Variants in CUX1 observed in about 807,000 individuals in gnomAD.
CUX1 encodes cut like homeobox 1.
CUX1 carries 31 observed loss-of-function variants against 158.8 expected under a neutral mutation model. The observed-to-expected ratio is 0.20, with a 90% CI of 0.15 to 0.26. The LOEUF is 0.26. Among genes scored for constraint, CUX1 ranks in the 10% least tolerant of loss-of-function variants. The pLI is 1.00. For synonymous variants in CUX1, 879 were observed against 862.1 expected (o/e 1.02, Z -0.34); for missense variants, 1,589 against 2,014.6 (o/e 0.79, Z 4.04).
chr7:102,211,501 C>G (rs1357009652), intron 20 of CUX1, among the ~76,000 whole-genome samples: 4 of 151,766 alleles, frequency 2.6e-5, no homozygotes, highest in African/African-American at 9.7e-5. Flanking sequence ...AGCTTTTCGG[C>G]TGGGCGCAGT....
At position 102,248,721 on chromosome 7, in the gene CUX1, G is replaced by A. The variant is rs1417211922; in HGVS notation, c.4197G>A (p.Pro1399=). 8.6e-6 allele frequency: 10 copies of A among 1,167,468 alleles called. No homozygotes were observed. The Admixed American group carries it at 4.0e-4, about 47-fold the overall frequency. The allele number at this position is 1,167,468 out of a possible 1,614,324, so 72.3% of individuals were successfully genotyped here. ...DDHEGGPVEG[P]GPLPSPASAT... ...ACGAGGGAGGCCCCGTGGAAGGCCCGGGGCCCCTGCCCAGCCCCGCCTCCG... is the reference window on the plus strand; with the variant it reads ...ACGAGGGAGGCCCCGTGGAAGGCCCAGGGCCCCTGCCCAGCCCCGCCTCCG... Residue 1399 remains proline (P), a synonymous_variant, in exon 24 of 24, where the codon CCG becomes CCA. Coordinates refer to ENST00000292535, the MANE Select transcript of CUX1 (RefSeq NM_181552.4). The surrounding 1 kb of genome is among the most constrained non-coding windows in gnomAD (Gnocchi z 5.8).
At chr7:102,185,130 G>T (rs575973281) in intron 11 of CUX1, among the ~76,000 whole-genome samples, 1 of 152,306 alleles carries the variant, frequency 6.6e-6, no homozygotes, top group East Asian at 1.9e-4. Context: ...TTCACGAACA[G>T]AGCCCCTGGA....
rs781968632 is a variant in CUX1 at position 102,227,951 on chromosome 7, C to CTTTTTTTTTT, written c.3433+292_3433+301dup. Among the ~76,000 whole-genome samples the CTTTTTTTTTT allele has an allele frequency of 2.1e-4, 25 of 117,294 alleles. 1 individual carries two copies. Among genetic ancestry groups the CTTTTTTTTTT allele is most frequent in the East Asian group, 5.1e-4 (2 of 3,908 alleles). The allele number at this position is 117,294 out of a possible 152,430, so 76.9% of individuals were successfully genotyped here. ...TCCACACAGACTGTCTCTTTTTTTTCTTTTTTTTTTTTTTTTTTTGAGACA... is the reference window on the plus strand; with the variant it reads ...TCCACACAGACTGTCTCTTTTTTTTCTTTTTTTTTTTTTTTTTTTTTTTTTTTTTGAGACA... On this transcript the variant is annotated intron_variant, in intron 21 of 23. Coordinates refer to ENST00000292535, the MANE Select transcript of CUX1 (RefSeq NM_181552.4).
chr7:101,953,460 G>A (rs1809355961), intron 2 of CUX1, among the ~76,000 whole-genome samples: 1 of 152,156 alleles, frequency 6.6e-6, no homozygotes, highest in African/African-American at 2.4e-5. Flanking sequence ...GTTGGTGAGC[G>A]AATTTACCTT....
In CUX1 at chr7:102,250,510, G is replaced by A. The variant is rs1381115944; in HGVS notation, c.*1468G>A. On this transcript the variant is annotated 3_prime_UTR_variant, in exon 24 of 24. Coordinates refer to ENST00000292535, the MANE Select transcript of CUX1 (RefSeq NM_181552.4). ...CACCGCAAGCACTGATGACCCTGTT[G>A]AACTCGTGGGAAACTTCCTTTCTCT... 1.0e-6 allele frequency: 1 copy of A among 985,282 alleles called. No homozygotes were observed. Among genetic ancestry groups the A allele is most frequent in the Admixed American group, 6.2e-5 (1 of 16,258 alleles). 61.0% of individuals were successfully genotyped at this position (985,282 alleles called of 1,614,324 possible). A position where few individuals can be genotyped will look rare whatever the true frequency, so the allele number is the denominator to read the frequency against.
At chr7:102,030,525 G>A (rs1035926405) in intron 3 of CUX1, among the ~76,000 whole-genome samples, 7 of 151,982 alleles carry the variant, frequency 4.6e-5, no homozygotes, top group Non-Finnish European at 1.0e-4. Flanking sequence ...ATCACACCTG[G>A]GAAAATTCAC....
intron 8 of CUX1, among the ~76,000 whole-genome samples, chr7:102,118,172 C>T (rs1267287048): frequency 6.6e-6 from 1 of 152,176 alleles, no homozygotes; most frequent in Non-Finnish European, 1.5e-5. Context: ...GAATATAAGC[C>T]CCTTGGGGCA....
At chr7:101,831,729 A>G (rs991339211) in intron 1 of CUX1, among the ~76,000 whole-genome samples, 4 of 79,672 alleles carry the variant, frequency 5.0e-5, no homozygotes, top group African/African-American at 2.3e-4. Flanking sequence ...GCCCTGAGAA[A>G]TAACTTTATT....
At chr7:101,818,454 T>G (rs1792116013) in intron 1 of CUX1, among the ~76,000 whole-genome samples, 1 of 152,224 alleles carries the variant, frequency 6.6e-6, no homozygotes, top group African/African-American at 2.4e-5. Flanking sequence ...TGGATTTGGT[T>G]TCTAGAGTTA....
At chr7:101,820,549 T>A (rs894375954) in intron 1 of CUX1, among the ~76,000 whole-genome samples, 4 of 152,224 alleles carry the variant, frequency 2.6e-5, no homozygotes, top group African/African-American at 4.8e-5. Flanking sequence ...TACATAACTT[T>A]AAAAAATGTA....
chr7:102,282,783 ACCCCCACTTGGGCCC>A (rs782706447), intron 22 of CUX1: 4 of 1,563,228 alleles, frequency 2.6e-6, no homozygotes, highest in Non-Finnish European at 3.5e-6. Flanking sequence ...AGAAGTGAGG[ACCCCCACTTGGGCCC>A]CCCCTCAGCC....
At chr7:101,898,051 C>T (rs186017390) in intron 1 of CUX1, among the ~76,000 whole-genome samples, 1 of 152,240 alleles carries the variant, frequency 6.6e-6, no homozygotes, top group African/African-American at 2.4e-5. Context: ...GGTCAGGGAT[C>T]TAGGGGGAAG....
chr7:102,205,881 GC>G (rs139149455), intron 20 of CUX1, among the ~76,000 whole-genome samples: 1 of 151,768 alleles, frequency 6.6e-6, no homozygotes, highest in African/African-American at 2.4e-5. Flanking sequence ...TCTCGTCTGC[GC>G]CCCCCCGCCT....
In CUX1 at chr7:101,855,886, A is replaced by AAG. The variant is rs1329895128; in HGVS notation, c.30+38218_30+38219insGA. ...GAAGGAGTTTCCAGCTCAAAAAAAA[A>AAG]AAAAAAAATGCAGCTTAAGTGCTGG... On this transcript the variant is annotated intron_variant, in intron 1 of 23. Coordinates refer to ENST00000292535, the MANE Select transcript of CUX1 (RefSeq NM_181552.4). Among the ~76,000 whole-genome samples the AAG allele has an allele frequency of 7.3e-4, 110 of 151,124 alleles. 1 individual carries two copies. The highest frequency in any genetic ancestry group is 1.2e-3 in the Admixed American group (18 of 15,158).
At chr7:101,873,178 C>CTTTTTTTTTTTTTT (rs35246188) in intron 1 of CUX1, among the ~76,000 whole-genome samples, 7 of 119,686 alleles carry the variant, frequency 5.8e-5, no homozygotes, top group Non-Finnish European at 8.6e-5. Flanking sequence ...GCCTCAGCTT[C>CTTTTTTTTTTTTTT]TTTTTTTTTT....
chr7:101,890,144 T>C (rs891649843), intron 1 of CUX1, among the ~76,000 whole-genome samples: 4 of 152,148 alleles, frequency 2.6e-5, no homozygotes, highest in African/African-American at 9.7e-5. Flanking sequence ...CGTGCTTCAG[T>C]ATCAGGGAAG....
At chr7:102,086,186 G>C (rs1827936961) in intron 4 of CUX1, among the ~76,000 whole-genome samples, 2 of 150,678 alleles carry the variant, frequency 1.3e-5, no homozygotes, top group Admixed American at 1.3e-4. Context: ...CTGGCTAGAG[G>C]CTTATCAATT....
chr7:101,919,174 C>T (rs893424758), intron 2 of CUX1, among the ~76,000 whole-genome samples: 2 of 152,110 alleles, frequency 1.3e-5, no homozygotes, highest in African/African-American at 4.8e-5. Context: ...AGGCGGAGTT[C>T]CCTGCTGTTC....
chr7:102,215,999 G>C (rs746544829), intron 20 of CUX1, among the ~76,000 whole-genome samples: 2 of 152,194 alleles, frequency 1.3e-5, no homozygotes, highest in African/African-American at 2.4e-5. Flanking sequence ...GACTCGGAAA[G>C]AAAACAACAT....
Sources: gnomAD v4.1 joint callset for allele counts (sites outside exome capture counted in the v4.1 genomes callset) on GRCh38, gnomAD v4.1.1 for gene constraint, Gnocchi (gnomAD v3.1) non-coding constraint, MANE v1.5 for transcripts, NCBI Gene and HGNC (gene_info 2026-07-23, HGNC 2026-07-21) for gene names.